RAPGEF6: variants seen among roughly 807,000 people sequenced by gnomAD.
RAPGEF6 encodes the protein PDZ domain containing guanine nucleotide exchange factor (GEF) 2.
Under a neutral mutation model 171.4 loss-of-function variants are expected in RAPGEF6, and 56 were observed. The observed-to-expected ratio is 0.33, with a 90% CI of 0.26 to 0.41. RAPGEF6 has a LOEUF of 0.41. Among genes scored for constraint, RAPGEF6 ranks in the 10% least tolerant of loss-of-function variants. The pLI is 1.00. For missense variants in RAPGEF6, 1,674 were observed against 1,921.4 expected, an observed-to-expected ratio of 0.87 and a Z score of 2.41; for synonymous variants, 692 against 650.1, an observed-to-expected ratio of 1.06 and a Z score of -0.98.
In RAPGEF6 at chr5:131,490,695, C is replaced by T. The variant is rs983062301; in HGVS notation, c.1732-1041G>A. 2.6e-5 allele frequency among the ~76,000 whole-genome samples: 4 copies of T among 152,126 alleles called. 1 individual carries two copies. The highest frequency in any genetic ancestry group is 2.6e-4 in the Admixed American group (4 of 15,274). On this transcript the variant is annotated intron_variant, in intron 14 of 27. Transcript: ENST00000509018. ...GAAAAAAATGTTACGCTCTATTGAACACAAGTATCTTCAGGAAGGCAAGAA... is the reference window on the plus strand; with the variant it reads ...GAAAAAAATGTTACGCTCTATTGAATACAAGTATCTTCAGGAAGGCAAGAA...
At chr5:131,538,603 C>T (rs981450806) in intron 6 of RAPGEF6, among the ~76,000 whole-genome samples, 1 of 152,052 alleles carries the variant, frequency 6.6e-6, no homozygotes, top group African/African-American at 2.4e-5. Flanking sequence ...CTCGAACATC[C>T]TCGAATTTTA....
intron 4 of RAPGEF6, among the ~76,000 whole-genome samples, chr5:131,587,183 C>T (rs1030116504): frequency 1.3e-5 from 2 of 152,170 alleles, no homozygotes; most frequent in African/African-American, 2.4e-5. Flanking sequence ...TAACAAGACC[C>T]GGCTCTTAGC....
intron 4 of RAPGEF6, among the ~76,000 whole-genome samples, chr5:131,589,723 A>T (rs1763476676): frequency 6.6e-6 from 1 of 152,230 alleles, no homozygotes; most frequent in Admixed American, 6.5e-5. Flanking sequence ...AGAGGGTGCT[A>T]GAGTAACACT....
intron 1 of RAPGEF6, among the ~76,000 whole-genome samples, chr5:131,622,919 G>GA (rs952125896): frequency 4.6e-5 from 7 of 152,058 alleles, no homozygotes; most frequent in African/African-American, 1.7e-4. Context: ...CGCCAATTCA[G>GA]AAAAAAACTC....
At chr5:131,428,835 A>G (rs12655084) in intron 27 of RAPGEF6, 67 bp downstream of exon 27, 18,326 of 1,433,944 alleles carry the variant, frequency 0.013, 950 homozygotes, top group East Asian at 0.12. Flanking sequence ...ATAAAATACC[A>G]AAGTAAAGAC....
intron 4 of RAPGEF6, among the ~76,000 whole-genome samples, chr5:131,588,969 C>G (rs1289033501): frequency 6.6e-6 from 1 of 151,826 alleles, no homozygotes; most frequent in Non-Finnish European, 1.5e-5. Flanking sequence ...ACTTGGGAGA[C>G]TGAGACAGGA....
chr5:131,445,920 T>C (rs1752662934), intron 22 of RAPGEF6, among the ~76,000 whole-genome samples: 2 of 152,182 alleles, frequency 1.3e-5, no homozygotes, highest in African/African-American at 4.8e-5. Context: ...TTAGAATTCA[T>C]AATTTCCTTG....
At chr5:131,476,480 G>A (rs1755102539) in intron 16 of RAPGEF6, among the ~76,000 whole-genome samples, 1 of 151,836 alleles carries the variant, frequency 6.6e-6, no homozygotes, top group Non-Finnish European at 1.5e-5. Flanking sequence ...ATTTTTTTGA[G>A]TCGGAGTTTC....
intron 1 of RAPGEF6, among the ~76,000 whole-genome samples, chr5:131,614,274 T>TC (rs1486062296): frequency 6.5e-4 from 53 of 81,128 alleles, no homozygotes; most frequent in African/African-American, 2.9e-3. Flanking sequence ...AGAGCAAGAC[T>TC]CTGTCTCAAA....
chr5:131,555,872 T>C (rs554144262), intron 5 of RAPGEF6, among the ~76,000 whole-genome samples: 2 of 152,304 alleles, frequency 1.3e-5, no homozygotes, highest in South Asian at 2.1e-4. Flanking sequence ...AATTTCGTCA[T>C]TGTGTGAACA....
chr5:131,599,576 A>G (rs1046969383), intron 3 of RAPGEF6, among the ~76,000 whole-genome samples: 1 of 152,166 alleles, frequency 6.6e-6, no homozygotes, highest in Non-Finnish European at 1.5e-5. Context: ...CAAGAGAGAA[A>G]AAGATAGTTT....
intron 15 of RAPGEF6, among the ~76,000 whole-genome samples, chr5:131,488,096 T>G (rs1756042738): frequency 6.6e-6 from 1 of 152,104 alleles, no homozygotes; most frequent in Non-Finnish European, 1.5e-5. Context: ...GACTGCTATG[T>G]TCCCCCTTTG....
intron 6 of RAPGEF6, among the ~76,000 whole-genome samples, chr5:131,541,719 A>T (rs1309358061): frequency 6.6e-6 from 1 of 152,212 alleles, no homozygotes; most frequent in Non-Finnish European, 1.5e-5. Flanking sequence ...TAACATAGGT[A>T]ATGTATTTAA....
At chr5:131,584,743 C>G (rs1286004444) in intron 4 of RAPGEF6, among the ~76,000 whole-genome samples, 4 of 152,220 alleles carry the variant, frequency 2.6e-5, no homozygotes, top group African/African-American at 7.2e-5. Flanking sequence ...CCTGTGGCTT[C>G]ACCCAGAATC....
intron 24 of RAPGEF6, 128 bp from the exon 25 acceptor site, chr5:131,433,786 T>C: frequency 1.4e-6 from 1 of 712,374 alleles, no homozygotes; most frequent in Non-Finnish European, 2.3e-6. Flanking sequence ...AATTTTAGTT[T>C]CCATCTATGT....
rs191011570 is a variant in RAPGEF6 at position 131,444,540 on chromosome 5, T to C, written c.3421+1943A>G. ...TATTGTTTGGGCTTCGGATAGTGAC[T>C]ATTTAAACATTTAAAAATCAATTAT... On this transcript the variant is annotated intron_variant, in intron 22 of 27. Transcript: ENST00000509018. 8.3e-3 allele frequency among the ~76,000 whole-genome samples: 1,268 copies of C among 152,336 alleles called. 2 individuals carry two copies. Among genetic ancestry groups the C allele is most frequent in the Non-Finnish European group, 0.012 (818 of 68,018 alleles).
intron 4 of RAPGEF6, among the ~76,000 whole-genome samples, chr5:131,571,914 G>A (rs976763718): frequency 1.1e-4 from 17 of 151,830 alleles, no homozygotes; most frequent in South Asian, 2.1e-4. Context: ...ATTCCTCCCC[G>A]CCCTTGTGAA....
chr5:131,455,619 ATAAATAT>A (rs1490443802), intron 20 of RAPGEF6, among the ~76,000 whole-genome samples, 175 bp downstream of exon 20: 1 of 152,232 alleles, frequency 6.6e-6, no homozygotes, highest in Non-Finnish European at 1.5e-5. Context: ...AAAAGTACTA[ATAAATAT>A]TAAACTAATT....
rs991252880 is a variant in RAPGEF6, at chr5:131,425,418, A to G, written c.*1848T>C. On this transcript the variant is annotated 3_prime_UTR_variant, in exon 28 of 28. Transcript: ENST00000509018. Reference sequence around the variant, plus strand: ...ATTATGCAAATCAGTGAAGGAAAAAATGTATAATCATAGGACCACTGTTTA... The same window carrying G: ...ATTATGCAAATCAGTGAAGGAAAAAGTGTATAATCATAGGACCACTGTTTA... The G allele has an allele frequency of 6.6e-6, 1 of 152,338 alleles. No homozygotes were observed. Among genetic ancestry groups the G allele is most frequent in the African/African-American group, 2.4e-5 (1 of 41,454 alleles). 9.4% of individuals were successfully genotyped at this position (152,338 alleles called of 1,614,324 possible). A position where few individuals can be genotyped will look rare whatever the true frequency, so the allele number is the denominator to read the frequency against.
Sources: gnomAD v4.1 joint callset for allele counts (sites outside exome capture counted in the v4.1 genomes callset) on GRCh38, gnomAD v4.1.1 for gene constraint, MANE v1.5 for transcripts, NCBI Gene and HGNC (gene_info 2026-07-23, HGNC 2026-07-21) for gene names.